ADIPOR2: variants seen among roughly 807,000 people sequenced by gnomAD.
The protein encoded by ADIPOR2 is adiponectin receptor 2.
ADIPOR2 carries 18 observed loss-of-function variants against 40.9 expected under a neutral mutation model. The observed-to-expected ratio is 0.44, with a 90% CI of 0.30 to 0.65. ADIPOR2 has a LOEUF of 0.65. Among genes scored for constraint, ADIPOR2 ranks in the 30% least tolerant of loss-of-function variants. The pLI, the probability that ADIPOR2 is intolerant of heterozygous loss-of-function variation, is 0.09. For synonymous variants in ADIPOR2, 165 were observed against 166.4 expected, an observed-to-expected ratio of 0.99 and a Z score of 0.06; for missense variants, 283 against 479.2, an observed-to-expected ratio of 0.59 and a Z score of 3.82.
At chr12:1,746,188 A>G (rs771424444) in intron 1 of ADIPOR2, among the ~76,000 whole-genome samples, 3 of 152,250 alleles carry the variant, frequency 2.0e-5, no homozygotes, top group Non-Finnish European at 4.4e-5. Context: ...CAGTTTGCTA[A>G]TATCAGACAA....
At chr12:1,747,868 T>G (rs1363872361) in intron 1 of ADIPOR2, among the ~76,000 whole-genome samples, 2 of 152,116 alleles carry the variant, frequency 1.3e-5, no homozygotes, top group Non-Finnish European at 2.9e-5. Context: ...TGACTTTGAC[T>G]TTCAACATTT....
intron 1 of ADIPOR2, among the ~76,000 whole-genome samples, chr12:1,720,113 A>G (rs990722494): frequency 6.6e-6 from 1 of 152,230 alleles, no homozygotes; most frequent in African/African-American, 2.4e-5. Context: ...GTTGTGACAT[A>G]TGCTATATCA....
At chr12:1,726,246 G>A (rs943741699) in intron 1 of ADIPOR2, among the ~76,000 whole-genome samples, 2 of 152,076 alleles carry the variant, frequency 1.3e-5, no homozygotes, top group Admixed American at 1.3e-4. Flanking sequence ...CACCCAGGCT[G>A]GAGTGCAATG....
intron 2 of ADIPOR2, among the ~76,000 whole-genome samples, chr12:1,755,233 C>T (rs1186006997): frequency 1.3e-5 from 2 of 152,002 alleles, no homozygotes; most frequent in African/African-American, 4.8e-5. Flanking sequence ...GCACCTGCCA[C>T]CACGCCTGGC....
intron 1 of ADIPOR2, among the ~76,000 whole-genome samples, chr12:1,708,020 A>G (rs1173524413): frequency 6.8e-6 from 1 of 146,310 alleles, no homozygotes; most frequent in African/African-American, 2.5e-5. Context: ...TAACGAATCT[A>G]AGATGGAAAA....
chr12:1,724,866 AACTC>A (rs2094704713), intron 1 of ADIPOR2, among the ~76,000 whole-genome samples: 1 of 151,866 alleles, frequency 6.6e-6, no homozygotes, highest in African/African-American at 2.4e-5. Flanking sequence ...AATTTTTACT[AACTC>A]ACTCCCTTTT....
chr12:1,706,741 CGT>C (rs1285511938), intron 1 of ADIPOR2, among the ~76,000 whole-genome samples: 1 of 152,148 alleles, frequency 6.6e-6, no homozygotes, highest in East Asian at 1.9e-4. Context: ...AAACCTTCCT[CGT>C]GTCCCTCACA....
At chr12:1,780,333 C>A in intron 4 of ADIPOR2, 118 bp from the exon 5 acceptor site, 1 of 1,109,686 alleles carries the variant, frequency 9.0e-7, no homozygotes, top group Non-Finnish European at 1.2e-6. Context: ...AGATTTTTCT[C>A]ATTGAACTTT....
At chr12:1,730,314 C>G (rs188451377) in intron 1 of ADIPOR2, among the ~76,000 whole-genome samples, 3 of 150,778 alleles carry the variant, frequency 2.0e-5, no homozygotes, top group Non-Finnish European at 4.4e-5. Context: ...TTAGGAGATA[C>G]GTTATTTGAA....
intron 4 of ADIPOR2, 38 bp from the exon 5 acceptor site, chr12:1,780,413 G>A (rs770667901): frequency 1.4e-5 from 21 of 1,535,980 alleles, no homozygotes; most frequent in Admixed American, 6.0e-5. Context: ...TCTTCTAAAG[G>A]GTGATATTTT....
intron 3 of ADIPOR2, among the ~76,000 whole-genome samples, chr12:1,775,301 AG>A (rs1343811702): frequency 6.6e-6 from 1 of 152,162 alleles, no homozygotes; most frequent in African/African-American, 2.4e-5. Context: ...GGGGTAAAAG[AG>A]GATACCTATT....
At position 1,786,140 on chromosome 12, in the gene ADIPOR2, G is replaced by A; in HGVS notation, c.*68G>A. The A allele has an allele frequency of 6.4e-7, 1 of 1,565,182 alleles. No homozygotes were observed. Among genetic ancestry groups the A allele is most frequent in the East Asian group, 2.2e-5 (1 of 44,576 alleles). ...GCGGCACTTGCGGGCCTCCCTGCTG[G>A]CTACTGATGCCAGTACCAGAGGAGC... On this transcript the variant is annotated 3_prime_UTR_variant, in exon 8 of 8. Coordinates refer to ENST00000357103, the MANE Select transcript of ADIPOR2 (RefSeq NM_024551.3).
At position 1,787,274 on chromosome 12, in the gene ADIPOR2, T is replaced by G. The variant is rs1862856965; in HGVS notation, c.*1202T>G. 1 of 152,234 alleles carries G rather than the reference T, an allele frequency of 6.6e-6. No individual in the cohort carries two copies. The highest frequency in any genetic ancestry group is 1.5e-5 in the Non-Finnish European group (1 of 68,050). 9.4% of individuals were successfully genotyped at this position (152,234 alleles called of 1,614,324 possible). ...CTCATCTACATAGATTGGTAGACCC[T>G]TCCTTTGGATTAGGAAAGATGAGTT... On this transcript the variant is annotated 3_prime_UTR_variant, in exon 8 of 8. Coordinates refer to ENST00000357103, the MANE Select transcript of ADIPOR2 (RefSeq NM_024551.3).
At chr12:1,740,722 ATGTGTGTG>A (rs2094740985) in intron 1 of ADIPOR2, among the ~76,000 whole-genome samples, 1 of 152,200 alleles carries the variant, frequency 6.6e-6, no homozygotes, top group Non-Finnish European at 1.5e-5. Flanking sequence ...TTACGTATGT[ATGTGTGTG>A]TACTATGTGA....
At chr12:1,734,945 C>G (rs975970781) in intron 1 of ADIPOR2, among the ~76,000 whole-genome samples, 1 of 150,934 alleles carries the variant, frequency 6.6e-6, no homozygotes, top group African/African-American at 2.4e-5. Flanking sequence ...GGGCTCTGTT[C>G]TGGTCTATAT....
At chr12:1,733,458 T>G (rs2094724437) in intron 1 of ADIPOR2, among the ~76,000 whole-genome samples, 1 of 152,236 alleles carries the variant, frequency 6.6e-6, no homozygotes, top group African/African-American at 2.4e-5. Context: ...CTGCATTCTT[T>G]ATTTTTCTTA....
intron 1 of ADIPOR2, among the ~76,000 whole-genome samples, chr12:1,732,055 G>A (rs531115814): frequency 6.6e-6 from 1 of 151,506 alleles, no homozygotes; most frequent in Non-Finnish European, 1.5e-5. Flanking sequence ...TAGAAAAATT[G>A]AGTGAAAACT....
chr12:1,736,176 C>T (rs1030813029), intron 1 of ADIPOR2, among the ~76,000 whole-genome samples: 6 of 152,078 alleles, frequency 3.9e-5, no homozygotes, highest in African/African-American at 9.7e-5. Context: ...ATGGTACCAG[C>T]TCCTCCTTGT....
At chr12:1,706,981 C>T (rs1783128553) in intron 1 of ADIPOR2, among the ~76,000 whole-genome samples, 1 of 152,074 alleles carries the variant, frequency 6.6e-6, no homozygotes, top group Non-Finnish European at 1.5e-5. Context: ...AGTGTGAGAC[C>T]CGGTCTCAAG....
Sources: gnomAD v4.1 joint callset for allele counts (sites outside exome capture counted in the v4.1 genomes callset) on GRCh38, gnomAD v4.1.1 for gene constraint, MANE v1.5 for transcripts, NCBI Gene and HGNC (gene_info 2026-07-23, HGNC 2026-07-21) for gene names.